Variants in TMEM72 observed in about 807,000 individuals in gnomAD.
TMEM72 encodes transmembrane protein 72.
Under a neutral mutation model 16.3 loss-of-function variants are expected in TMEM72, and 9 were observed. That is an observed-to-expected ratio of 0.55 (90% confidence interval 0.33 to 0.96). TMEM72 has a LOEUF of 0.96. Ranked by LOEUF, TMEM72 falls within the 40% of genes least tolerant of loss-of-function variation. The pLI is 0.03. For synonymous variants in TMEM72, 160 were observed against 146.5 expected (o/e 1.09, Z -0.66); for missense variants, 324 against 337.8 (o/e 0.96, Z 0.32).
chr10:44,934,577 C>G (rs1840361492), intron 4 of TMEM72, 79 bp from the exon 5 acceptor site: 1 of 1,408,498 alleles, frequency 7.1e-7, no homozygotes, highest in Non-Finnish European at 9.5e-7. Context: ...TGCAGGAGCT[C>G]TGCTGCACGA....
intron 2 of TMEM72, among the ~76,000 whole-genome samples, chr10:44,931,604 A>G (rs872208): frequency 0.24 from 36,689 of 152,132 alleles, 5,204 homozygotes; most frequent in African/African-American, 0.4. Context: ...CCTGGTGACT[A>G]TTTGGATAAT....
intron 4 of TMEM72, 126 bp downstream of exon 4, chr10:44,933,902 T>A: frequency 2.5e-5 from 30 of 1,186,962 alleles, no homozygotes; most frequent in Non-Finnish European, 3.3e-5. Context: ...CTGCCCTCTC[T>A]GACCTAGAGG....
intron 2 of TMEM72, 105 bp from the exon 3 acceptor site, chr10:44,931,893 A>G (rs1840302592): frequency 1.1e-5 from 13 of 1,143,754 alleles, no homozygotes; most frequent in Non-Finnish European, 1.6e-5. Context: ...AGGTGAGTCC[A>G]TTGGCTGTAG....
chr10:44,935,044 A>G lies in TMEM72; in HGVS notation c.738A>G (p.Pro246=), dbSNP rs767375435. ...GTCTGGATGATGGGGACAGTGAGCC[A>G]GAGGAGACCACCTCTGACACGACAC... ...AEGLDDGDSE[P]EETTSDTTPI... is the part of the protein sequence containing the mutation. Residue 246 remains proline, a synonymous_variant, in exon 5 of 5, where the codon CCA becomes CCG. Transcript: ENST00000389583. 30 of 1,613,914 alleles carry G rather than the reference A, an allele frequency of 1.9e-5. No homozygotes were observed. The East Asian group carries it at 6.5e-4, about 35-fold the overall frequency.
intron 1 of TMEM72, among the ~76,000 whole-genome samples, chr10:44,926,685 C>CA (rs1840199385): frequency 6.6e-6 from 1 of 152,292 alleles, no homozygotes; most frequent in African/African-American, 2.4e-5. Flanking sequence ...AGCGGAGCCC[C>CA]AGAGCCCTCC....
chr10:44,930,576 T>C (rs566287342), intron 2 of TMEM72, among the ~76,000 whole-genome samples: 1 of 152,332 alleles, frequency 6.6e-6, no homozygotes, highest in African/African-American at 2.4e-5. Flanking sequence ...GCCTTTAGAA[T>C]TATGCCTGGC....
At chr10:44,928,178 T>C (rs557093668) in intron 2 of TMEM72, among the ~76,000 whole-genome samples, 191 bp downstream of exon 2, 4 of 152,128 alleles carry the variant, frequency 2.6e-5, no homozygotes, top group Non-Finnish European at 4.4e-5. Context: ...ATCAATGAAT[T>C]ATCCTTTCTA....
chr10:44,933,494 C>T (rs1477059273), intron 3 of TMEM72, 143 bp from the exon 4 acceptor site: 79 of 1,157,398 alleles, frequency 6.8e-5, no homozygotes, highest in Non-Finnish European at 8.9e-5. Flanking sequence ...GGAACCCACA[C>T]CAAGGACCGC....
chr10:44,931,500 G>T (rs879413627), intron 2 of TMEM72, among the ~76,000 whole-genome samples: 7 of 152,208 alleles, frequency 4.6e-5, no homozygotes, highest in Admixed American at 2.0e-4. Flanking sequence ...ACTGGTGCAG[G>T]GGTCCAGGGG....
At chr10:44,915,242 C>T (rs1213639939) in intron 1 of TMEM72, among the ~76,000 whole-genome samples, 1 of 152,218 alleles carries the variant, frequency 6.6e-6, no homozygotes, top group Non-Finnish European at 1.5e-5. Flanking sequence ...CTCTTCCAGC[C>T]TCTGCCCAGA....
rs532413338 is a variant in TMEM72, at chr10:44,932,878, G to A, written c.210-759G>A. Among the ~76,000 whole-genome samples, 10 of 152,356 alleles carry A rather than the reference G, an allele frequency of 6.6e-5. No individual in the cohort carries two copies. The East Asian group carries it at 1.7e-3, about 26-fold the overall frequency. On this transcript the variant is annotated intron_variant, in intron 3 of 4. Coordinates refer to ENST00000389583, the MANE Select transcript of TMEM72 (RefSeq NM_001123376.3). Reference sequence around the variant, plus strand: ...ACACACGCAGGAATGGGCACCAGGGGGCACCAGTGAGCCATGGCAGTCCAG... The same window carrying A: ...ACACACGCAGGAATGGGCACCAGGGAGCACCAGTGAGCCATGGCAGTCCAG...
chr10:44,921,337 G>A (rs1196986208), intron 1 of TMEM72, among the ~76,000 whole-genome samples: 1 of 152,168 alleles, frequency 6.6e-6, no homozygotes, highest in Non-Finnish European at 1.5e-5. Context: ...TGGGATAATA[G>A]GGAGGGATGG....
At chr10:44,922,792 G>A (rs1393017682) in intron 1 of TMEM72, among the ~76,000 whole-genome samples, 2 of 152,136 alleles carry the variant, frequency 1.3e-5, no homozygotes, top group African/African-American at 4.8e-5. Context: ...TGTATTCCTA[G>A]GAGCCTGAAT....
At position 44,930,979 on chromosome 10, in the gene TMEM72, T is replaced by C. The variant is rs1840286438; in HGVS notation, c.138-1019T>C. 2.0e-5 allele frequency among the ~76,000 whole-genome samples: 3 copies of C among 152,336 alleles called. No individual in the cohort carries two copies. In the South Asian group the frequency reaches 6.2e-4, roughly 32 times the overall value. Reference sequence around the variant, plus strand: ...CTATCCACTTTCATTCCTTCATTTATTGCAATGCTCATTAATGGAGCCCAA... The same window carrying C: ...CTATCCACTTTCATTCCTTCATTTACTGCAATGCTCATTAATGGAGCCCAA... On this transcript the variant is annotated intron_variant, in intron 2 of 4. Transcript: ENST00000389583.
At chr10:44,924,621 C>T (rs1426672023) in intron 1 of TMEM72, among the ~76,000 whole-genome samples, 1 of 152,204 alleles carries the variant, frequency 6.6e-6, no homozygotes, top group African/African-American at 2.4e-5. Context: ...GGACTCGGTG[C>T]GAGTCCGTGT....
chr10:44,921,138 A>G (rs1033187925), intron 1 of TMEM72, among the ~76,000 whole-genome samples: 4 of 152,200 alleles, frequency 2.6e-5, no homozygotes, highest in Non-Finnish European at 5.9e-5. Flanking sequence ...GGAGGGACAG[A>G]GACTGGAGGG....
At chr10:44,916,567 T>A (rs902665080) in intron 1 of TMEM72, among the ~76,000 whole-genome samples, 43 of 152,144 alleles carry the variant, frequency 2.8e-4, no homozygotes, top group African/African-American at 9.4e-4. Context: ...ATTTTACCCC[T>A]CTTACATGTA....
At chr10:44,934,409 G>A (rs1840358584) in intron 4 of TMEM72, among the ~76,000 whole-genome samples, 1 of 152,124 alleles carries the variant, frequency 6.6e-6, no homozygotes, top group Admixed American at 6.5e-5. Flanking sequence ...GCCCTCCAGG[G>A]AGACCATGTT....
intron 1 of TMEM72, chr10:44,919,923 C>T (rs1840068917): frequency 6.6e-6 from 1 of 152,252 alleles, no homozygotes; most frequent in Admixed American, 6.5e-5. Flanking sequence ...TGGCTACTAC[C>T]TTACTGTCCC....
Sources: allele counts gnomAD v4.1 joint callset (sites outside exome capture counted in the v4.1 genomes callset), GRCh38; gene constraint gnomAD v4.1.1; transcripts MANE v1.5; gene names NCBI Gene and HGNC (gene_info 2026-07-23, HGNC 2026-07-21).